Variants in PXMP4 observed in about 807,000 individuals in gnomAD.
PXMP4 encodes peroxisomal membrane protein 4, also known as 24 kDa peroxisomal intrinsic membrane protein.
PXMP4 carries 16 observed loss-of-function variants against 21.6 expected under a neutral mutation model. The observed-to-expected ratio is 0.74, with a 90% confidence interval of 0.50 to 1.13. The LOEUF is 1.13. Ranked by LOEUF, PXMP4 falls within the 50% of genes most tolerant of loss-of-function variation. PXMP4 has a pLI of 0.00. For synonymous variants in PXMP4, 127 were observed against 123.8 expected, an observed-to-expected ratio of 1.03 and a Z score of -0.17; for missense variants, 240 against 277.7, an observed-to-expected ratio of 0.86 and a Z score of 0.96.
intron 3 of PXMP4, among the ~76,000 whole-genome samples, chr20:33,708,492 C>T (rs546510259): frequency 3.7e-4 from 56 of 151,002 alleles, no homozygotes; most frequent in Non-Finnish European, 7.5e-4. Flanking sequence ...GGCCTGATTT[C>T]TGCACTTATT....
chr20:33,714,576 C>T (rs2018364332), intron 2 of PXMP4, 98 bp downstream of exon 2: 3 of 1,175,200 alleles, frequency 2.6e-6, no homozygotes, highest in East Asian at 2.4e-5. Flanking sequence ...CTTTAGAAGG[C>T]GTGATGGGGG....
At chr20:33,718,235 G>A (rs369375191) in intron 1 of PXMP4, among the ~76,000 whole-genome samples, 2 of 152,138 alleles carry the variant, frequency 1.3e-5, no homozygotes, top group African/African-American at 2.4e-5. Context: ...CCAAGGCTGG[G>A]TGTGGTGGCT....
At chr20:33,713,827 A>G (rs1267436727) in intron 2 of PXMP4, among the ~76,000 whole-genome samples, 2 of 152,240 alleles carry the variant, frequency 1.3e-5, no homozygotes, top group African/African-American at 2.4e-5. Context: ...ACATGAGCCT[A>G]TATGCATTAA....
At chr20:33,710,050 C>T (rs1480353964) in intron 3 of PXMP4, among the ~76,000 whole-genome samples, 1 of 138,038 alleles carries the variant, frequency 7.2e-6, no homozygotes, top group African/African-American at 2.8e-5. Flanking sequence ...CACTGAGCCA[C>T]GCCCTTGTCC....
intron 1 of PXMP4, 83 bp from the exon 2 acceptor site, chr20:33,714,819 C>CT: frequency 7.4e-7 from 1 of 1,350,794 alleles, no homozygotes; most frequent in Non-Finnish European, 1.1e-6. Context: ...CCCTTGTTCT[C>CT]TCCCCCCATC....
Position 33,706,969 on chromosome 20 carries a change from T to TCACTGTAGCCTC in PXMP4, c.*725_*736dup, listed in dbSNP as rs1185635042. On this transcript the variant is annotated 3_prime_UTR_variant, in exon 4 of 4. Coordinates refer to ENST00000409299, the MANE Select transcript of PXMP4 (RefSeq NM_007238.5). Reference sequence around the variant, plus strand: ...TGGAGTGCAGTGGCGTGATCTTTGCTCACTGTAGCCTCGACCTCATAGGCT... The same window carrying TCACTGTAGCCTC: ...TGGAGTGCAGTGGCGTGATCTTTGCTCACTGTAGCCTCCACTGTAGCCTCGACCTCATAGGCT... 6.6e-6 allele frequency: 1 copy of TCACTGTAGCCTC among 152,010 alleles called. No homozygotes were observed. The highest frequency in any genetic ancestry group is 1.5e-5 in the Non-Finnish European group (1 of 68,022). The allele number at this position is 152,010 out of a possible 1,614,324, so 9.4% of individuals were successfully genotyped here. A position where few individuals can be genotyped will look rare whatever the true frequency, so the allele number is the denominator to read the frequency against.
Position 33,704,991 on chromosome 20 carries a change from T to G in PXMP4, c.*2715A>C, listed in dbSNP as rs1446182130. ...CTTGTTTGATTTGTCCAGGATTGTG[T>G]TTTTTTTTTTTTTTTTTTTTTTGAG... On this transcript the variant is annotated 3_prime_UTR_variant, in exon 4 of 4. Coordinates refer to ENST00000409299, the MANE Select transcript of PXMP4 (RefSeq NM_007238.5). 10 of 73,852 alleles carry G rather than the reference T, an allele frequency of 1.4e-4. No individual in the cohort carries two copies. The highest frequency in any genetic ancestry group is 2.1e-4 in the Non-Finnish European group (8 of 37,512). 4.6% of individuals were successfully genotyped at this position (73,852 alleles called of 1,614,324 possible). A position where few individuals can be genotyped will look rare whatever the true frequency, so the allele number is the denominator to read the frequency against.
chr20:33,709,607 C>T (rs75273404), intron 3 of PXMP4, among the ~76,000 whole-genome samples: 2 of 152,124 alleles, frequency 1.3e-5, no homozygotes, highest in African/African-American at 2.4e-5. Context: ...CACAGAGGGA[C>T]TGGTGAGTCA....
chr20:33,713,355 C>G (rs1255269768), intron 2 of PXMP4, among the ~76,000 whole-genome samples: 1 of 152,192 alleles, frequency 6.6e-6, no homozygotes, highest in East Asian at 1.9e-4. Flanking sequence ...CCCCTCATAT[C>G]CACCTGGACA....
intron 1 of PXMP4, among the ~76,000 whole-genome samples, chr20:33,717,511 G>C (rs1367278373): frequency 6.7e-6 from 1 of 149,070 alleles, no homozygotes; most frequent in Admixed American, 6.7e-5. Context: ...GTAGTGGCGG[G>C]CGCCTGTAGT....
rs966397927 is a variant in PXMP4, at chr20:33,713,224, C to G, written c.176+1450G>C. Among the ~76,000 whole-genome samples the G allele has an allele frequency of 8.5e-5, 13 of 152,244 alleles. No individual in the cohort carries two copies. In the South Asian group the frequency reaches 2.7e-3, roughly 32 times the overall value. On this transcript the variant is annotated intron_variant, in intron 2 of 3. Coordinates refer to ENST00000409299, the MANE Select transcript of PXMP4 (RefSeq NM_007238.5). ...GACCAACCCAGGTCAAGCTGTGACC[C>G]GCCTCTCTGTCCTCTCTCCCCTTCA... is the stretch of plus-strand genomic sequence containing the variant.
At chr20:33,713,053 C>T (rs775234344) in intron 2 of PXMP4, among the ~76,000 whole-genome samples, 7 of 152,352 alleles carry the variant, frequency 4.6e-5, no homozygotes, top group South Asian at 2.1e-4. Context: ...TGAGCCACTG[C>T]GCCTGGCCTA....
chr20:33,708,690 T>A (rs1463859275), intron 3 of PXMP4, among the ~76,000 whole-genome samples: 2 of 149,876 alleles, frequency 1.3e-5, no homozygotes, highest in Non-Finnish European at 3.0e-5. Flanking sequence ...AATGGTAAAA[T>A]TTTTTTTTCT....
intron 1 of PXMP4, among the ~76,000 whole-genome samples, chr20:33,717,675 ATGTTACATAAT>A (rs796097922): frequency 2.0e-4 from 30 of 150,890 alleles, no homozygotes; most frequent in African/African-American, 6.9e-4. Flanking sequence ...AATATTTTAA[ATGTTACATAAT>A]TGTTACATAA....
At chr20:33,712,744 C>T (rs2377926) in intron 2 of PXMP4, among the ~76,000 whole-genome samples, 86,405 of 152,074 alleles carry the variant, frequency 0.57, 25,750 homozygotes, top group East Asian at 0.8. Context: ...AATTCTCCTG[C>T]CTCAGCCTCC....
intron 1 of PXMP4, among the ~76,000 whole-genome samples, chr20:33,716,939 C>T (rs1243212931): frequency 6.6e-6 from 1 of 152,146 alleles, no homozygotes. Flanking sequence ...CTTTGGGAAG[C>T]TGAAGTGGGC....
chr20:33,717,869 T>C (rs537412763), intron 1 of PXMP4, among the ~76,000 whole-genome samples: 1 of 152,134 alleles, frequency 6.6e-6, no homozygotes, highest in Admixed American at 6.6e-5. Context: ...TGTTTTGCTA[T>C]GTGAGCTTGG....
In PXMP4 at chr20:33,707,875, G is replaced by A. The variant is rs768022356; in HGVS notation, c.470C>T (p.Pro157Leu). ...CCCCCACACCACCGCAGTGAGCAGC[G>A]GGAACGGGTCCCACCTGGGTTCAGG... ...YIPEPRWDPFPLLTAVVWGLV... is the reference protein window; with the variant it reads ...YIPEPRWDPFLLLTAVVWGLV... Residue 157 changes from proline (P) to leucine (L), a missense_variant, in exon 4 of 4, where the codon CCG becomes CTG. Transcript: ENST00000409299. 9.9e-6 allele frequency: 16 copies of A among 1,614,050 alleles called. No homozygotes were observed. Among genetic ancestry groups the A allele is most frequent in the Non-Finnish European group, 1.3e-5 (15 of 1,180,046 alleles).
chr20:33,711,318 C>T (rs766261978), intron 2 of PXMP4, among the ~76,000 whole-genome samples: 3 of 152,080 alleles, frequency 2.0e-5, no homozygotes, highest in Non-Finnish European at 4.4e-5. Context: ...CAAGAGATGG[C>T]GCTGGGATCT....
Sources: gnomAD v4.1 joint callset for allele counts (sites outside exome capture counted in the v4.1 genomes callset) on GRCh38, gnomAD v4.1.1 for gene constraint, MANE v1.5 for transcripts, NCBI Gene and HGNC (gene_info 2026-07-23, HGNC 2026-07-21) for gene names.